GDAP1: variants seen among roughly 807,000 people sequenced by gnomAD.
The protein encoded by GDAP1 is ganglioside induced differentiation associated protein 1.
A neutral mutation model predicts 40.1 loss-of-function variants in GDAP1; 34 were observed. The ratio of observed to expected loss-of-function variants is 0.85; its 90% CI spans 0.64 to 1.13. The LOEUF is 1.13. GDAP1 is among the 50% of genes most tolerant of loss of function. The pLI is 0.00. For missense variants in GDAP1, 374 were observed against 433.7 expected, an observed-to-expected ratio of 0.86 and a Z score of 1.22; for synonymous variants, 170 against 157.4, an observed-to-expected ratio of 1.08 and a Z score of -0.60.
At chr8:74,398,880 T>C (rs1810261418) in intron 2 of GDAP1, among the ~76,000 whole-genome samples, 1 of 152,138 alleles carries the variant, frequency 6.6e-6, no homozygotes, top group Non-Finnish European at 1.5e-5. Flanking sequence ...GAACCAGCCT[T>C]GCATCGCAGG....
chr8:74,370,649 C>G (rs187624260), downstream of GDAP1, among the ~76,000 whole-genome samples: 5 of 152,154 alleles, frequency 3.3e-5, no homozygotes, highest in Non-Finnish European at 2.9e-5. Flanking sequence ...GCAATAATTG[C>G]ATGATATGTA....
intron 2 of GDAP1, among the ~76,000 whole-genome samples, chr8:74,443,980 GTCTATCTATCTATCTATCTA>G (rs34362360): frequency 6.8e-6 from 1 of 147,308 alleles, no homozygotes; most frequent in East Asian, 2.0e-4. Flanking sequence ...CTTTCTGTCT[GTCTATCTATCTATCTATCTA>G]TCTATCTATC....
intron 2 of GDAP1, among the ~76,000 whole-genome samples, chr8:74,381,382 A>G (rs760326530): frequency 6.6e-6 from 1 of 152,180 alleles, no homozygotes; most frequent in Non-Finnish European, 1.5e-5. Flanking sequence ...AGCTATTAAG[A>G]GTGAGTAGAA....
chr8:74,419,306 G>T (rs1282466918), intron 2 of GDAP1, among the ~76,000 whole-genome samples: 2 of 152,188 alleles, frequency 1.3e-5, no homozygotes, highest in Admixed American at 6.5e-5. Flanking sequence ...ATGATAAACT[G>T]TGGGGTATTC....
chr8:74,434,289 T>C (rs1035819878), intron 2 of GDAP1, among the ~76,000 whole-genome samples: 8 of 152,214 alleles, frequency 5.3e-5, no homozygotes, highest in Admixed American at 4.6e-4. Context: ...ACCGTGATCA[T>C]TTCATTATTC....
chr8:74,437,868 T>C (rs148970642), intron 2 of GDAP1, among the ~76,000 whole-genome samples: 7 of 152,314 alleles, frequency 4.6e-5, no homozygotes, highest in African/African-American at 1.7e-4. Flanking sequence ...CTAATGGACA[T>C]ATAGACTGTC....
chr8:74,396,960 A>G (rs1433083695), intron 2 of GDAP1, among the ~76,000 whole-genome samples: 3 of 152,184 alleles, frequency 2.0e-5, no homozygotes, highest in East Asian at 1.9e-4. Flanking sequence ...GAACCAGTTT[A>G]CAGTCCCACC....
chr8:74,358,932 G>A lies in GDAP1; in HGVS notation c.311-1205G>A, dbSNP rs139333849. Among the ~76,000 whole-genome samples the A allele has an allele frequency of 5.4e-3, 824 of 152,272 alleles. 4 individuals are homozygous for A. The highest frequency in any genetic ancestry group is 7.4e-3 in the Non-Finnish European group (502 of 68,014). On this transcript the variant is annotated intron_variant, in intron 2 of 5. Coordinates refer to ENST00000220822, the MANE Select transcript of GDAP1 (RefSeq NM_018972.4). ...AATAGAACTCACAGATATGTTCATG[G>A]TTAAGTTATTGCAGATATCTTAATA...
intron 2 of GDAP1, among the ~76,000 whole-genome samples, chr8:74,469,776 G>A (rs534451307): frequency 6.6e-6 from 1 of 151,960 alleles, no homozygotes; most frequent in African/African-American, 2.4e-5. Flanking sequence ...GGGAGTTTGA[G>A]ACCAGCCTGA....
intron 2 of GDAP1, among the ~76,000 whole-genome samples, chr8:74,372,089 G>A (rs1809764326): frequency 6.6e-6 from 1 of 152,090 alleles, no homozygotes; most frequent in Non-Finnish European, 1.5e-5. Context: ...CCCTACAAAG[G>A]ACATGAACTC....
chr8:74,413,952 G>A lies in GDAP1; in HGVS notation c.165+62631G>A, dbSNP rs553050673. Among the ~76,000 whole-genome samples the A allele has an allele frequency of 9.1e-4, 137 of 150,092 alleles. 2 individuals carry two copies. In the South Asian group the frequency reaches 9.3e-3, roughly 10 times the overall value. The stretch of plus-strand genomic sequence containing the variant: ...TATGAATTCCTGAGCTCACCCTTGA[G>A]TTGTGCAAGCCTGGATCTTTAAAAA... On this transcript the variant is annotated intron_variant, in intron 2 of 2. Transcript: ENST00000523640.
chr8:74,356,664 GTGTGTGTGTGTGTGTGTGTGTGTGTGTT>G (rs1809106662), intron 2 of GDAP1, among the ~76,000 whole-genome samples: 1 of 29,928 alleles, frequency 3.3e-5, no homozygotes, highest in Non-Finnish European at 9.2e-5. Context: ...TATTTAGTGT[GTGTGTGTGTGTGTGTGTGTGTGTGTGTT>G]TGTGTGTGTG....
intron 2 of GDAP1, among the ~76,000 whole-genome samples, chr8:74,480,628 CCTTA>C (rs1806698823): frequency 6.6e-6 from 1 of 152,188 alleles, no homozygotes; most frequent in Non-Finnish European, 1.5e-5. Flanking sequence ...CTCCTAGCTT[CCTTA>C]CTGTCTTCCT....
At chr8:74,410,064 C>T (rs560766602) in intron 2 of GDAP1, among the ~76,000 whole-genome samples, 17 of 150,012 alleles carry the variant, frequency 1.1e-4, no homozygotes, top group Admixed American at 7.2e-4. Context: ...TGTATAAGTG[C>T]ATGCTTATCA....
At chr8:74,403,803 G>A (rs1020996083) in intron 2 of GDAP1, among the ~76,000 whole-genome samples, 9 of 150,100 alleles carry the variant, frequency 6.0e-5, no homozygotes, top group African/African-American at 2.0e-4. Context: ...CCTTGATGGA[G>A]CTGCTTTTTT....
chr8:74,350,711 T>C (rs1808817057), intron 1 of GDAP1, 133 bp downstream of exon 1: 1 of 737,728 alleles, frequency 1.4e-6, no homozygotes. Context: ...GGGCAGGCGC[T>C]CCCTCCAGGC....
At chr8:74,423,557 CT>C (rs200839881) in intron 2 of GDAP1, among the ~76,000 whole-genome samples, 1,679 of 151,620 alleles carry the variant, frequency 0.011, 11 homozygotes, top group South Asian at 0.019. Context: ...TTTTCCAATC[CT>C]TCCCATTTTC....
intron 2 of GDAP1, among the ~76,000 whole-genome samples, chr8:74,475,411 T>A (rs1274884959): frequency 6.6e-6 from 1 of 152,200 alleles, no homozygotes; most frequent in Non-Finnish European, 1.5e-5. Context: ...CTTTTTGATA[T>A]AGGCATTTAG....
In GDAP1 at chr8:74,477,033, G is replaced by A. The variant is rs145252029; in HGVS notation, c.166-11645G>A. ...TCTGACTGCCTTATTTCAGAAAGCC[G>A]GTGTTCAGTCTCTGAGATTGTTTCC... On this transcript the variant is annotated intron_variant, in intron 2 of 2. Coordinates refer to the GDAP1 transcript ENST00000523640. Among the ~76,000 whole-genome samples, 13 of 152,188 alleles carry A rather than the reference G, an allele frequency of 8.5e-5. 2 individuals are homozygous for A. The East Asian group carries it at 2.1e-3, about 25-fold the overall frequency.
Sources: allele counts gnomAD v4.1 joint callset (sites outside exome capture counted in the v4.1 genomes callset), GRCh38; gene constraint gnomAD v4.1.1; transcripts MANE v1.5; gene names NCBI Gene and HGNC (gene_info 2026-07-23, HGNC 2026-07-21).